LPIN1: variants seen among roughly 807,000 people sequenced by gnomAD.
LPIN1 encodes phosphatidate phosphatase LPIN1.
LPIN1 carries 71 observed loss-of-function variants against 107.5 expected under a neutral mutation model. The observed-to-expected ratio is 0.66, with a 90% CI of 0.55 to 0.80. The LOEUF is 0.80. LPIN1 is among the 30% of genes least tolerant of loss of function. LPIN1 has a pLI of 0.00. For missense variants in LPIN1, 1,043 were observed against 1,160.6 expected (o/e 0.90, Z 1.47); for synonymous variants, 445 against 452.6 (o/e 0.98, Z 0.21).
At chr2:11,724,991 G>C (rs570845450) in intron 1 of LPIN1, among the ~76,000 whole-genome samples, 1 of 152,170 alleles carries the variant, frequency 6.6e-6, no homozygotes, top group Admixed American at 6.5e-5. Flanking sequence ...GGCCGGGCGC[G>C]GTGGCTCACA....
chr2:11,677,606 G>A (rs1661495579), exon 1 of LPIN1: 2 of 1,426,732 alleles, frequency 1.4e-6, no homozygotes, highest in South Asian at 1.2e-5. Flanking sequence ...TTTCTCTCCT[G>A]ATGCTGGGTG....
intron 1 of LPIN1, chr2:11,763,015 T>G (rs1404662611): frequency 6.6e-6 from 1 of 152,226 alleles, no homozygotes; most frequent in Non-Finnish European, 1.5e-5. Context: ...TCCTTCCTGT[T>G]TGGGCAGTAT....
At chr2:11,817,431 A>G (rs1196828253) in intron 18 of LPIN1, 2 of 152,130 alleles carry the variant, frequency 1.3e-5, no homozygotes, top group Admixed American at 6.5e-5. Context: ...TTTCCTCTGT[A>G]GTTGTGCTTT....
chr2:11,681,948 C>T (rs1661737040), intron 1 of LPIN1, among the ~76,000 whole-genome samples: 1 of 152,308 alleles, frequency 6.6e-6, no homozygotes, highest in South Asian at 2.1e-4. Flanking sequence ...GAGACAAACC[C>T]AGGGAAAGGG....
chr2:11,690,595 G>A (rs1385018523), intron 1 of LPIN1, among the ~76,000 whole-genome samples: 5 of 152,144 alleles, frequency 3.3e-5, no homozygotes, highest in Non-Finnish European at 5.9e-5. Context: ...ACACAAATTT[G>A]AACCTCACTG....
chr2:11,683,530 G>A (rs534070044), intron 1 of LPIN1, among the ~76,000 whole-genome samples: 2 of 152,266 alleles, frequency 1.3e-5, no homozygotes, highest in African/African-American at 2.4e-5. Flanking sequence ...GGATGGGGAT[G>A]AGGGACTGAG....
At chr2:11,736,244 G>A (rs979262023) in intron 1 of LPIN1, among the ~76,000 whole-genome samples, 16 of 152,228 alleles carry the variant, frequency 1.1e-4, no homozygotes, top group African/African-American at 3.6e-4. Context: ...AGGTCAGGCT[G>A]CTAGAACACA....
At chr2:11,815,908 C>G (rs151268208) in intron 18 of LPIN1, among the ~76,000 whole-genome samples, 1 of 152,272 alleles carries the variant, frequency 6.6e-6, no homozygotes, top group East Asian at 1.9e-4. Context: ...CACTGGACGT[C>G]CCTGTAGTTG....
intron 2 of LPIN1, chr2:11,741,493 T>A: frequency 7.7e-7 from 1 of 1,293,488 alleles, no homozygotes; most frequent in Non-Finnish European, 1.1e-6. Flanking sequence ...TAAATAATAT[T>A]GTTTGGCAAC....
chr2:11,750,100 G>A (rs989499238), intron 1 of LPIN1, among the ~76,000 whole-genome samples: 5 of 149,834 alleles, frequency 3.3e-5, no homozygotes, highest in African/African-American at 1.2e-4. Flanking sequence ...CCCCGGCCTC[G>A]CTCCCTGGAA....
chr2:11,704,640 C>T (rs910056168), intron 1 of LPIN1, among the ~76,000 whole-genome samples: 2 of 152,188 alleles, frequency 1.3e-5, no homozygotes, highest in African/African-American at 4.8e-5. Flanking sequence ...ACAGAATGTT[C>T]TAGCAGGAAG....
intron 1 of LPIN1, among the ~76,000 whole-genome samples, chr2:11,761,425 C>T (rs957351814): frequency 1.3e-5 from 2 of 152,206 alleles, no homozygotes; most frequent in African/African-American, 2.4e-5. Flanking sequence ...CTGGTGTTTA[C>T]TCCCAGGTGA....
At chr2:11,816,790 C>T (rs1376002093) in intron 18 of LPIN1, 1 of 149,418 alleles carries the variant, frequency 6.7e-6, no homozygotes, top group African/African-American at 2.5e-5. Context: ...GATCCATGTG[C>T]AGAACATGCA....
At chr2:11,752,974 C>T (rs1668085241) in intron 1 of LPIN1, among the ~76,000 whole-genome samples, 1 of 152,172 alleles carries the variant, frequency 6.6e-6, no homozygotes, top group South Asian at 2.1e-4. Flanking sequence ...ACAGTGTCCG[C>T]AGTGCTGTCC....
chr2:11,710,123 C>A (rs1663334583), intron 1 of LPIN1, among the ~76,000 whole-genome samples: 1 of 152,174 alleles, frequency 6.6e-6, no homozygotes, highest in Admixed American at 6.5e-5. Context: ...GTGAGATTAT[C>A]TTTCTCCTAC....
chr2:11,778,159 T>C (rs1672978617), intron 6 of LPIN1, among the ~76,000 whole-genome samples: 1 of 152,158 alleles, frequency 6.6e-6, no homozygotes, highest in South Asian at 2.1e-4. Context: ...CGTGCCTTCT[T>C]ATAGGACTGC....
At chr2:11,808,894 CGAGA>C (rs968272020) in intron 17 of LPIN1, among the ~76,000 whole-genome samples, 6 of 148,940 alleles carry the variant, frequency 4.0e-5, no homozygotes, top group East Asian at 3.9e-4. Context: ...AAAGAGAGAG[CGAGA>C]GAGAGAGAAA....
chr2:11,769,653 A>G (rs1671536496), intron 3 of LPIN1, among the ~76,000 whole-genome samples: 1 of 151,564 alleles, frequency 6.6e-6, no homozygotes, highest in African/African-American at 2.4e-5. Context: ...TTTGTTGTGC[A>G]TGCTTTTGGT....
intron 13 of LPIN1, chr2:11,792,274 C>A (rs1011251414): frequency 5.6e-6 from 2 of 357,706 alleles, no homozygotes; most frequent in Admixed American, 8.0e-5. Flanking sequence ...GGTAAGATTT[C>A]GTCATCTATA....
Sources: gnomAD v4.1 joint callset for allele counts (sites outside exome capture counted in the v4.1 genomes callset) on GRCh38, gnomAD v4.1.1 for gene constraint, MANE v1.5 for transcripts, NCBI Gene and HGNC (gene_info 2026-07-23, HGNC 2026-07-21) for gene names.